Variants in EHBP1 observed in about 807,000 individuals in gnomAD.
EHBP1 encodes the protein EH domain binding protein 1, also known as EH domain-binding protein 1.
EHBP1 carries 55 observed loss-of-function variants against 144.0 expected under a neutral mutation model. The observed-to-expected ratio is 0.38, with a 90% CI of 0.31 to 0.48. The LOEUF (loss-of-function observed/expected upper bound fraction) is 0.48. EHBP1 is among the 20% of genes least tolerant of loss of function. The pLI is 0.98. For synonymous variants in EHBP1, 469 were observed against 472.7 expected (o/e 0.99, Z 0.10); for missense variants, 1,200 against 1,364.2 (o/e 0.88, Z 1.90).
chr2:62,988,294 A>T (rs1452065936), intron 15 of EHBP1, among the ~76,000 whole-genome samples: 1 of 152,064 alleles, frequency 6.6e-6, no homozygotes, highest in Admixed American at 6.6e-5. Context: ...ATTGTATTTT[A>T]TGTTATGTGA....
chr2:62,944,173 G>A (rs187497887), intron 12 of EHBP1, among the ~76,000 whole-genome samples: 1 of 152,302 alleles, frequency 6.6e-6, no homozygotes, highest in East Asian at 1.9e-4. Context: ...TAGTTGTTAT[G>A]TAAGTTTAGA....
At chr2:62,829,612 A>G (rs1416209835) in intron 6 of EHBP1, among the ~76,000 whole-genome samples, 6 of 146,992 alleles carry the variant, frequency 4.1e-5, no homozygotes, top group African/African-American at 1.2e-4. Flanking sequence ...TATATTATAT[A>G]TAATACTACT....
chr2:63,033,448 A>G (rs1239519281), intron 19 of EHBP1, among the ~76,000 whole-genome samples: 3 of 152,186 alleles, frequency 2.0e-5, no homozygotes, highest in Admixed American at 1.3e-4. Context: ...GTGTACTTGT[A>G]TAACAGCAGC....
intron 3 of EHBP1, among the ~76,000 whole-genome samples, chr2:62,761,716 A>G (rs767721137): frequency 6.6e-6 from 1 of 152,150 alleles, no homozygotes; most frequent in Non-Finnish European, 1.5e-5. Context: ...GTCTTATTGT[A>G]TACTGTTAAG....
chr2:62,872,898 A>T (rs1272631486), intron 9 of EHBP1, among the ~76,000 whole-genome samples: 2 of 152,142 alleles, frequency 1.3e-5, no homozygotes, highest in East Asian at 1.9e-4. Context: ...GGGATCTCTG[A>T]TCTAGAAGGG....
chr2:62,729,612 TAATAAATAAAATAA>T (rs2037301422), intron 2 of EHBP1, among the ~76,000 whole-genome samples: 1 of 133,034 alleles, frequency 7.5e-6, no homozygotes, highest in South Asian at 2.3e-4. Context: ...ATAAATATAA[TAATAAATAAAATAA>T]AATAAAATAA....
intron 1 of EHBP1, among the ~76,000 whole-genome samples, chr2:62,677,886 A>G (rs1339195959): frequency 6.6e-6 from 1 of 152,172 alleles, no homozygotes; most frequent in Non-Finnish European, 1.5e-5. Context: ...TCATCTGTTG[A>G]TGGACACTTA....
intron 10 of EHBP1, among the ~76,000 whole-genome samples, chr2:62,913,645 G>A (rs2054385933): frequency 6.6e-6 from 1 of 152,194 alleles, no homozygotes; most frequent in African/African-American, 2.4e-5. Context: ...TTTCAATTAA[G>A]TGGTATGTCA....
chr2:62,854,163 C>T (rs2048868703), intron 7 of EHBP1, among the ~76,000 whole-genome samples: 2 of 152,254 alleles, frequency 1.3e-5, no homozygotes, highest in Non-Finnish European at 1.5e-5. Flanking sequence ...TCAGCCTTCA[C>T]AGAATTGAGT....
intron 10 of EHBP1, among the ~76,000 whole-genome samples, chr2:62,903,865 A>G (rs2053601749): frequency 6.6e-6 from 1 of 152,154 alleles, no homozygotes; most frequent in South Asian, 2.1e-4. Flanking sequence ...TTTCGTCCAT[A>G]GTTTCTTCAT....
chr2:62,800,891 A>G (rs1274965175), intron 5 of EHBP1, among the ~76,000 whole-genome samples: 3 of 152,212 alleles, frequency 2.0e-5, no homozygotes, highest in Non-Finnish European at 4.4e-5. Context: ...TGAGATCCAC[A>G]GCATTCACAG....
chr2:62,859,067 C>A, intron 7 of EHBP1, 102 bp from the exon 8 acceptor site: 1 of 1,109,568 alleles, frequency 9.0e-7, no homozygotes, highest in Non-Finnish European at 1.3e-6. Flanking sequence ...CTATTATTTG[C>A]AGGTATTATT....
intron 19 of EHBP1, among the ~76,000 whole-genome samples, chr2:63,016,398 G>A (rs2060484762): frequency 6.6e-6 from 1 of 151,256 alleles, no homozygotes; most frequent in African/African-American, 2.4e-5. Flanking sequence ...ATGCAATTAT[G>A]TGGGGTTTTG....
intron 2 of EHBP1, among the ~76,000 whole-genome samples, chr2:62,708,368 C>T (rs2034801651): frequency 6.6e-6 from 1 of 152,150 alleles, no homozygotes; most frequent in East Asian, 1.9e-4. Flanking sequence ...TCCCTGTCCT[C>T]AAGGAGTGTG....
intron 18 of EHBP1, among the ~76,000 whole-genome samples, chr2:62,996,265 G>A (rs1475359477): frequency 6.6e-6 from 1 of 151,990 alleles, no homozygotes; most frequent in African/African-American, 2.4e-5. Flanking sequence ...ACACTTTTGA[G>A]TTAAAAGTGC....
At chr2:62,688,471 C>G (rs757406483) in intron 1 of EHBP1, among the ~76,000 whole-genome samples, 30 of 152,024 alleles carry the variant, frequency 2.0e-4, no homozygotes, top group Non-Finnish European at 3.7e-4. Flanking sequence ...TTTATCATTG[C>G]TTTGTATTGG....
chr2:62,866,590 A>G (rs150812998), intron 9 of EHBP1, among the ~76,000 whole-genome samples: 1 of 152,344 alleles, frequency 6.6e-6, no homozygotes, highest in Non-Finnish European at 1.5e-5. Context: ...ATCTCATACA[A>G]AGTCAGGTGA....
chr2:62,841,054 G>A (rs1446994020), intron 7 of EHBP1, among the ~76,000 whole-genome samples: 5 of 151,938 alleles, frequency 3.3e-5, no homozygotes, highest in East Asian at 1.9e-4. Context: ...TGTTTATTGC[G>A]GCATTATTCA....
At chr2:62,813,262 G>A (rs1031424280) in intron 5 of EHBP1, among the ~76,000 whole-genome samples, 1 of 145,402 alleles carries the variant, frequency 6.9e-6, no homozygotes, top group Non-Finnish European at 1.6e-5. Context: ...GGCTCAACCG[G>A]TAGGCCTTAG....
Sources: allele counts gnomAD v4.1 joint callset (sites outside exome capture counted in the v4.1 genomes callset), GRCh38; gene constraint gnomAD v4.1.1; transcripts MANE v1.5; gene names NCBI Gene and HGNC (gene_info 2026-07-23, HGNC 2026-07-21).